Variants in PP2D1 observed in about 807,000 individuals in gnomAD.
The protein encoded by PP2D1 is protein phosphatase 2C like domain containing 1.
PP2D1 carries 25 observed loss-of-function variants against 30.2 expected under a neutral mutation model. That is an observed-to-expected ratio of 0.83 (90% CI 0.60 to 1.16). PP2D1 has a LOEUF of 1.16. PP2D1 is among the 50% of genes most tolerant of loss of function. The pLI, the probability that PP2D1 is intolerant of heterozygous loss-of-function variation, is 0.00. For missense variants in PP2D1, 760 were observed against 742.4 expected (o/e 1.02, Z -0.28); for synonymous variants, 260 against 258.9 (o/e 1.00, Z -0.04).
In PP2D1 at chr3:20,001,245, C is replaced by T; in HGVS notation, c.875G>A (p.Arg292Lys). The T allele has an allele frequency of 6.5e-7, 1 of 1,536,092 alleles. No homozygotes were observed. The highest frequency in any genetic ancestry group is 2.4e-5 in the East Asian group (1 of 40,922). The change falls in exon 2 of 3, where the codon AGA becomes AAA. Residue 292 changes from arginine (R) to lysine (K), a missense_variant. This residue lies in a region of PP2D1 where 374 missense variants were observed against 388.8 expected (regional missense o/e 0.96). Coordinates refer to ENST00000389050, the MANE Select transcript of PP2D1 (RefSeq NM_001252657.2). Reference sequence around the variant, plus strand: ...TCCAAGACCTAAAAGCCTATCCATTCTCCAAAATGCTTTTGCAAAGGCTTT... The same window carrying T: ...TCCAAGACCTAAAAGCCTATCCATTTTCCAAAATGCTTTTGCAAAGGCTTT... ...THKAFAKAFW[R>K]MDRLLGLGRK...
intron 2 of PP2D1, 144 bp from the exon 3 acceptor site, chr3:19,986,326 T>C (rs1697034315): frequency 3.3e-6 from 2 of 597,492 alleles, no homozygotes; most frequent in East Asian, 5.7e-5. Flanking sequence ...ATATGTGTAA[T>C]ATATCACTAC....
In PP2D1 at chr3:20,012,170, G is replaced by T; in HGVS notation, c.-98C>A. The T allele has an allele frequency of 9.9e-7, 1 of 1,010,716 alleles. No individual in the cohort carries two copies. The highest frequency in any genetic ancestry group is 1.5e-6 in the Non-Finnish European group (1 of 686,308). 62.6% of individuals were successfully genotyped at this position (1,010,716 alleles called of 1,614,324 possible). On this transcript the variant is annotated 5_prime_UTR_variant, in exon 1 of 3. Coordinates refer to ENST00000389050, the MANE Select transcript of PP2D1 (RefSeq NM_001252657.2). ...AGTGATGGTGATGGTGGAGGTAGAG[G>T]TGAATGTGATGGCTGTGGCAGAAGT... is the stretch of plus-strand genomic sequence containing the variant.
chr3:19,993,565 G>A (rs768830657), intron 2 of PP2D1, among the ~76,000 whole-genome samples: 3 of 151,960 alleles, frequency 2.0e-5, no homozygotes, highest in Admixed American at 6.6e-5. Context: ...GTGAAACCCC[G>A]TCTTTACATA....
intron 1 of PP2D1, among the ~76,000 whole-genome samples, chr3:20,010,913 T>G (rs1488696302): frequency 2.6e-5 from 4 of 152,124 alleles, no homozygotes; most frequent in African/African-American, 9.7e-5. Context: ...ACCCTGCCCT[T>G]GAAGCTATGA....
At chr3:20,010,659 C>T (rs1351905292) in intron 1 of PP2D1, among the ~76,000 whole-genome samples, 6 of 151,766 alleles carry the variant, frequency 4.0e-5, no homozygotes, top group Non-Finnish European at 5.9e-5. Flanking sequence ...CAAAATTAGC[C>T]GGGCATGGTG....
At chr3:19,988,044 C>G (rs111785660) in intron 2 of PP2D1, among the ~76,000 whole-genome samples, 4 of 152,032 alleles carry the variant, frequency 2.6e-5, no homozygotes, top group African/African-American at 9.7e-5. Context: ...TATGTCGCTT[C>G]AGGACCCTGT....
downstream of PP2D1, chr3:19,984,495 A>G (rs1696995148): frequency 4.6e-6 from 1 of 218,708 alleles, no homozygotes; most frequent in Admixed American, 6.0e-5. Context: ...AATGCACCTT[A>G]ATGGTCAGTG....
In PP2D1 at chr3:20,007,264, T is replaced by G. The variant is rs143518120; in HGVS notation, c.23+4786A>C. Among the ~76,000 whole-genome samples, 166 of 152,330 alleles carry G rather than the reference T, an allele frequency of 1.1e-3. 1 individual carries two copies. The highest frequency in any genetic ancestry group is 3.7e-3 in the African/African-American group (154 of 41,570). ...TTCTTATACTGTATTTTTATTTGTA[T>G]TATTTTATTGTTGTATTGGTTTATT... On this transcript the variant is annotated intron_variant, in intron 1 of 2. Coordinates refer to ENST00000389050, the MANE Select transcript of PP2D1 (RefSeq NM_001252657.2).
downstream of PP2D1, among the ~76,000 whole-genome samples, chr3:19,980,589 T>G (rs960086898): frequency 2.6e-5 from 4 of 152,112 alleles, no homozygotes; most frequent in African/African-American, 9.7e-5. Flanking sequence ...CCTCTTAATC[T>G]CACTCACCTC....
At chr3:19,981,192 A>G (rs544324336), downstream of PP2D1, among the ~76,000 whole-genome samples, 1 of 152,302 alleles carries the variant, frequency 6.6e-6, no homozygotes, top group East Asian at 1.9e-4. Context: ...AACTACAGCA[A>G]TCTCCAACTT....
At chr3:20,007,108 G>T (rs964285690) in intron 1 of PP2D1, among the ~76,000 whole-genome samples, 2 of 151,916 alleles carry the variant, frequency 1.3e-5, no homozygotes, top group African/African-American at 4.8e-5. Context: ...CCTGACTCAA[G>T]TGATCCGCCC....
Position 19,985,745 on chromosome 3 carries a change from T to C in PP2D1, c.1528A>G (p.Asn510Asp). 2 of 1,536,052 alleles carry C rather than the reference T, an allele frequency of 1.3e-6. No individual in the cohort carries two copies. Among genetic ancestry groups the C allele is most frequent in the Non-Finnish European group, 1.7e-6 (2 of 1,146,824 alleles). ...TTATACTGAAACAATACGTGGATAT[T>C]ACTCTGTGATTTAGTAAGGTTTGGT... ...SEPNLTKSQS[N>D]IHVLFQYKSV... Residue 510 changes from asparagine (N) to aspartate (D), a missense_variant, in exon 3 of 3, where the codon AAT becomes GAT. Transcript: ENST00000389050.
At chr3:19,990,665 G>A (rs1053922412) in intron 2 of PP2D1, among the ~76,000 whole-genome samples, 4 of 151,970 alleles carry the variant, frequency 2.6e-5, no homozygotes, top group African/African-American at 7.3e-5. Context: ...TACAAACAGG[G>A]TGTTTGAAGT....
At chr3:19,987,440 G>T (rs1291254518) in intron 2 of PP2D1, among the ~76,000 whole-genome samples, 3 of 152,118 alleles carry the variant, frequency 2.0e-5, no homozygotes, top group Admixed American at 6.6e-5. Context: ...CTGAGATGGG[G>T]TTAATGATAT....
At chr3:19,981,608 C>G (rs1373311212), downstream of PP2D1, among the ~76,000 whole-genome samples, 1 of 137,784 alleles carries the variant, frequency 7.3e-6, no homozygotes, top group Admixed American at 6.9e-5. Flanking sequence ...AGCGAGACTC[C>G]GCCTCAAAAA....
chr3:19,986,101 C>G lies in PP2D1; in HGVS notation c.1172G>C (p.Arg391Thr), dbSNP rs899859420. The G allele has an allele frequency of 4.4e-5, 68 of 1,535,644 alleles. No homozygotes were observed. The Admixed American group carries it at 1.3e-3, about 29-fold the overall frequency. Residue 391 changes from arginine (R) to threonine (T), a missense_variant, in exon 3 of 3, where the codon AGA (arginine) becomes ACA (threonine). Arg to Thr is a moderately conservative substitution (Grantham distance 71). Coordinates refer to ENST00000389050, the MANE Select transcript of PP2D1 (RefSeq NM_001252657.2). ...TGCTCCATTCTGAAGTATTCTTCTT[C>G]TTTCATTTGTGTTTCGTGTAGTATG... is the stretch of plus-strand genomic sequence containing the variant. ...KEHTTRNTNE[R>T]RRILQNGAVI...
intron 2 of PP2D1, among the ~76,000 whole-genome samples, 190 bp from the exon 3 acceptor site, chr3:19,986,372 T>G (rs1275667938): frequency 6.6e-6 from 1 of 152,210 alleles, no homozygotes; most frequent in Non-Finnish European, 1.5e-5. Flanking sequence ...TTCAAACAGG[T>G]CAATTTATCC....
At chr3:19,991,407 G>A (rs1473967710) in intron 2 of PP2D1, among the ~76,000 whole-genome samples, 1 of 152,190 alleles carries the variant, frequency 6.6e-6, no homozygotes, top group Non-Finnish European at 1.5e-5. Context: ...AGGTGACTTA[G>A]TGTTGATTAA....
chr3:19,992,589 G>T (rs114062543), intron 2 of PP2D1, among the ~76,000 whole-genome samples: 2 of 148,942 alleles, frequency 1.3e-5, no homozygotes, highest in East Asian at 3.8e-4. Context: ...TGCAAATACC[G>T]CATTAGTGAT....
Sources: gnomAD v4.1 joint callset for allele counts (sites outside exome capture counted in the v4.1 genomes callset) on GRCh38, gnomAD v4.1.1 for gene constraint, gnomAD v4.1.1 regional missense constraint, MANE v1.5 for transcripts, NCBI Gene and HGNC (gene_info 2026-07-23, HGNC 2026-07-21) for gene names.